The following DOCK1 variants were observed in gnomAD, a reference collection of about 807,000 sequenced individuals.
The protein encoded by DOCK1 is dedicator of cytokinesis protein 1.
DOCK1 carries 138 observed loss-of-function variants against 262.7 expected under a neutral mutation model. The ratio of observed to expected loss-of-function variants is 0.53; its 90% CI spans 0.46 to 0.61. The LOEUF (loss-of-function observed/expected upper bound fraction) is 0.61. DOCK1 is among the 20% of genes least tolerant of loss of function. DOCK1 has a pLI of 0.00. For missense variants in DOCK1, 1,908 were observed against 2,370.7 expected (o/e 0.80, Z 4.05); for synonymous variants, 866 against 867.4 (o/e 1.00, Z 0.03).
At chr10:127,416,251 C>T (rs569586386) in intron 44 of DOCK1, among the ~76,000 whole-genome samples, 1 of 152,352 alleles carries the variant, frequency 6.6e-6, no homozygotes, top group South Asian at 2.1e-4. Context: ...CCCTAGCAGC[C>T]AGGCAGTGCC....
intron 23 of DOCK1, among the ~76,000 whole-genome samples, chr10:127,101,549 C>T (rs1414205461): frequency 2.0e-5 from 3 of 152,208 alleles, no homozygotes; most frequent in African/African-American, 7.2e-5. Context: ...ATGTCCCCGC[C>T]TCAGGGGGCA....
chr10:127,047,667 A>C (rs2044439259), intron 21 of DOCK1, among the ~76,000 whole-genome samples: 1 of 152,130 alleles, frequency 6.6e-6, no homozygotes, highest in South Asian at 2.1e-4. Flanking sequence ...GGCCTATCTG[A>C]GCCCATCCCA....
At chr10:127,261,502 T>C (rs1356684367) in intron 29 of DOCK1, among the ~76,000 whole-genome samples, 5 of 137,784 alleles carry the variant, frequency 3.6e-5, no homozygotes, top group African/African-American at 1.4e-4. Context: ...TGTGTGTGCA[T>C]GTGGGTGTGT....
At chr10:127,071,486 G>A (rs1018634320) in intron 23 of DOCK1, among the ~76,000 whole-genome samples, 3 of 152,160 alleles carry the variant, frequency 2.0e-5, no homozygotes, top group African/African-American at 4.8e-5. Flanking sequence ...CTCTTCCACC[G>A]TTTCTTCAGC....
chr10:127,269,115 C>T (rs1590209628), intron 29 of DOCK1, among the ~76,000 whole-genome samples: 2 of 152,166 alleles, frequency 1.3e-5, no homozygotes, highest in Admixed American at 1.3e-4. Flanking sequence ...GGCAGATTTA[C>T]CCCGTGCTGT....
intron 50 of DOCK1, 126 bp downstream of exon 50, chr10:127,444,405 C>A (rs1267104775): frequency 8.1e-7 from 1 of 1,230,954 alleles, no homozygotes; most frequent in Non-Finnish European, 1.1e-6. Flanking sequence ...TAGATAAACA[C>A]CTGGCTCCCT....
intron 23 of DOCK1, among the ~76,000 whole-genome samples, chr10:127,090,754 T>C (rs1367036138): frequency 6.6e-6 from 1 of 152,180 alleles, no homozygotes; most frequent in Non-Finnish European, 1.5e-5. Context: ...ATAGAATATG[T>C]GGCTTTTTTT....
At chr10:127,261,779 G>A (rs1209926562) in intron 29 of DOCK1, among the ~76,000 whole-genome samples, 2 of 143,618 alleles carry the variant, frequency 1.4e-5, no homozygotes, top group African/African-American at 2.7e-5. Context: ...GTGTGTGTGT[G>A]TGTACCTGCA....
At chr10:127,123,543 A>G (rs961296055) in intron 25 of DOCK1, among the ~76,000 whole-genome samples, 3 of 152,226 alleles carry the variant, frequency 2.0e-5, no homozygotes, top group African/African-American at 7.2e-5. Context: ...TGTTGTGGTT[A>G]AGGTCAGCAG....
intron 32 of DOCK1, among the ~76,000 whole-genome samples, chr10:127,355,941 C>G (rs763508456): frequency 1.3e-5 from 2 of 152,246 alleles, no homozygotes; most frequent in Admixed American, 6.5e-5. Context: ...ACAGCAGATG[C>G]TCCTGGGTGG....
At chr10:126,999,131 A>G (rs570279410) in intron 8 of DOCK1, among the ~76,000 whole-genome samples, 6 of 152,302 alleles carry the variant, frequency 3.9e-5, no homozygotes, top group South Asian at 4.1e-4. Flanking sequence ...AAGTAGTTCT[A>G]TTACAGTGAC....
intron 1 of DOCK1, among the ~76,000 whole-genome samples, chr10:126,948,819 C>G (rs1038624394): frequency 1.1e-4 from 17 of 152,052 alleles, no homozygotes; most frequent in African/African-American, 3.4e-4. Context: ...TCCTCTCCCT[C>G]AAAGGGAACC....
At chr10:127,131,448 G>A (rs1321116115) in intron 27 of DOCK1, among the ~76,000 whole-genome samples, 1 of 152,178 alleles carries the variant, frequency 6.6e-6, no homozygotes, top group East Asian at 1.9e-4. Context: ...TTCTGAATAA[G>A]CTATAATCAT....
intron 27 of DOCK1, among the ~76,000 whole-genome samples, chr10:127,193,226 G>A (rs1460136104): frequency 1.3e-5 from 2 of 152,162 alleles, no homozygotes; most frequent in African/African-American, 4.8e-5. Context: ...TCACATTTAT[G>A]AAAGACTGTT....
At chr10:127,233,728 T>C (rs1381080249) in intron 27 of DOCK1, among the ~76,000 whole-genome samples, 4 of 152,248 alleles carry the variant, frequency 2.6e-5, no homozygotes, top group African/African-American at 7.2e-5. Flanking sequence ...GGATAAATAC[T>C]GTGGCTACAT....
intron 27 of DOCK1, among the ~76,000 whole-genome samples, chr10:127,191,399 C>T (rs1256526907): frequency 6.6e-6 from 1 of 152,140 alleles, no homozygotes; most frequent in Non-Finnish European, 1.5e-5. Flanking sequence ...TGAACAAAGC[C>T]ATCTGCATAT....
intron 12 of DOCK1, among the ~76,000 whole-genome samples, chr10:127,014,511 A>G (rs984402027): frequency 7.2e-5 from 11 of 152,238 alleles, no homozygotes; most frequent in Non-Finnish European, 1.0e-4. Flanking sequence ...TTTGAAACAC[A>G]GGATTTCTAA....
intron 13 of DOCK1, among the ~76,000 whole-genome samples, chr10:127,020,099 T>C (rs1209447821): frequency 6.6e-6 from 1 of 152,238 alleles, no homozygotes; most frequent in Non-Finnish European, 1.5e-5. Context: ...TTAGGCTAAA[T>C]AATAGCTAGG....
At chr10:127,421,883 A>C (rs2068532996) in intron 46 of DOCK1, among the ~76,000 whole-genome samples, 1 of 152,210 alleles carries the variant, frequency 6.6e-6, no homozygotes, top group African/African-American at 2.4e-5. Flanking sequence ...GTCAAGGAAC[A>C]ACATGTGGGT....
Sources: gnomAD v4.1 joint callset for allele counts (sites outside exome capture counted in the v4.1 genomes callset) on GRCh38, gnomAD v4.1.1 for gene constraint, MANE v1.5 for transcripts, NCBI Gene and HGNC (gene_info 2026-07-23, HGNC 2026-07-21) for gene names.